CDH4: variants seen among roughly 807,000 people sequenced by gnomAD.
The protein encoded by CDH4 is cadherin 4, also known as cadherin-4.
Under a neutral mutation model 86.0 loss-of-function variants are expected in CDH4, and 33 were observed. The observed-to-expected ratio is 0.38, with a 90% confidence interval of 0.29 to 0.51. CDH4 has a LOEUF of 0.51. Among genes scored for constraint, CDH4 ranks in the 20% least tolerant of loss-of-function variants. CDH4 has a pLI of 0.86. For synonymous variants in CDH4, 555 were observed against 549.4 expected, an observed-to-expected ratio of 1.01 and a Z score of -0.14; for missense variants, 1,114 against 1,307.4, an observed-to-expected ratio of 0.85 and a Z score of 2.28.
chr20:61,793,299 C>A (rs1979312950), intron 4 of CDH4, among the ~76,000 whole-genome samples: 1 of 151,748 alleles, frequency 6.6e-6, no homozygotes, highest in Non-Finnish European at 1.5e-5. Context: ...CAATGTCACT[C>A]CCAAGCAGAG....
intron 4 of CDH4, among the ~76,000 whole-genome samples, chr20:61,812,064 C>T (rs1980466262): frequency 6.6e-6 from 1 of 152,130 alleles, no homozygotes; most frequent in South Asian, 2.1e-4. Context: ...TGTTTCTCCC[C>T]CGCTGCGGGG....
chr20:61,742,547 A>G (rs905693128), intron 2 of CDH4, among the ~76,000 whole-genome samples: 5 of 152,172 alleles, frequency 3.3e-5, no homozygotes, highest in African/African-American at 1.2e-4. Flanking sequence ...GTGACAGCAA[A>G]ATTGCTTGAA....
At chr20:61,255,266 G>C (rs2084092566) in intron 2 of CDH4, among the ~76,000 whole-genome samples, 1 of 152,222 alleles carries the variant, frequency 6.6e-6, no homozygotes, top group Non-Finnish European at 1.5e-5. Flanking sequence ...AATTATCCCT[G>C]CTTTGAAATG....
At chr20:61,815,911 G>A (rs981042293) in intron 4 of CDH4, among the ~76,000 whole-genome samples, 2 of 152,178 alleles carry the variant, frequency 1.3e-5, no homozygotes, top group African/African-American at 4.8e-5. Flanking sequence ...CGCAATGCCC[G>A]CGTTCATTTG....
At chr20:61,631,953 AGCCAC>A (rs2086892974) in intron 2 of CDH4, among the ~76,000 whole-genome samples, 1 of 152,200 alleles carries the variant, frequency 6.6e-6, no homozygotes, top group Non-Finnish European at 1.5e-5. Flanking sequence ...GTGTGGGTGG[AGCCAC>A]GCAGGTTATT....
chr20:61,406,717 ACCATCTG>A (rs1423520232), intron 2 of CDH4, among the ~76,000 whole-genome samples: 17 of 118,458 alleles, frequency 1.4e-4, no homozygotes, highest in Non-Finnish European at 1.9e-4. Flanking sequence ...TGCCTGGACC[ACCATCTG>A]CCATCTGCTC....
At chr20:61,293,418 C>A (rs2084334460) in intron 2 of CDH4, among the ~76,000 whole-genome samples, 1 of 152,096 alleles carries the variant, frequency 6.6e-6, no homozygotes, top group African/African-American at 2.4e-5. Flanking sequence ...AGCTCCGACC[C>A]CTGGCTGGAG....
intron 2 of CDH4, among the ~76,000 whole-genome samples, chr20:61,556,893 C>T (rs984940175): frequency 1.3e-5 from 2 of 152,140 alleles, no homozygotes; most frequent in African/African-American, 4.8e-5. Flanking sequence ...ACGTGAGGCG[C>T]CGCCATCCTC....
At chr20:61,919,933 C>T (rs1397807245) in intron 9 of CDH4, among the ~76,000 whole-genome samples, 13 of 126,228 alleles carry the variant, frequency 1.0e-4, no homozygotes, top group African/African-American at 3.8e-4. Context: ...CGTGGTGTCA[C>T]GGTGATTGCG....
intron 2 of CDH4, among the ~76,000 whole-genome samples, chr20:61,416,424 C>T (rs1429642615): frequency 6.6e-6 from 1 of 152,192 alleles, no homozygotes; most frequent in Non-Finnish European, 1.5e-5. Context: ...TTTACATTCC[C>T]ACAGCAGTTC....
intron 2 of CDH4, among the ~76,000 whole-genome samples, chr20:61,713,153 A>C (rs2087911173): frequency 6.6e-6 from 1 of 152,096 alleles, no homozygotes; most frequent in Non-Finnish European, 1.5e-5. Flanking sequence ...AATATGCAAA[A>C]ATAAGTAAAG....
At chr20:61,307,591 C>T (rs1321216717) in intron 2 of CDH4, among the ~76,000 whole-genome samples, 1 of 152,240 alleles carries the variant, frequency 6.6e-6, no homozygotes, top group East Asian at 1.9e-4. Flanking sequence ...CGAAGAAGTC[C>T]CTGCCCCATC....
intron 6 of CDH4, among the ~76,000 whole-genome samples, chr20:61,862,113 C>T (rs1396559469): frequency 6.6e-6 from 1 of 152,180 alleles, no homozygotes; most frequent in African/African-American, 2.4e-5. Context: ...TCCTGCAGCT[C>T]ACAGCCACTT....
At chr20:61,405,971 C>T (rs2085079656) in intron 2 of CDH4, among the ~76,000 whole-genome samples, 2 of 152,206 alleles carry the variant, frequency 1.3e-5, no homozygotes, top group South Asian at 2.1e-4. Context: ...TGAGCCACCG[C>T]GCCCGGCCTA....
intron 2 of CDH4, among the ~76,000 whole-genome samples, chr20:61,470,200 ATCTTT>A (rs2145567788): frequency 6.6e-6 from 1 of 152,188 alleles, no homozygotes; most frequent in South Asian, 2.1e-4. Flanking sequence ...GACATGGAAC[ATCTTT>A]TCTTTTTTGT....
At chr20:61,399,846 C>T (rs1246870776) in intron 2 of CDH4, among the ~76,000 whole-genome samples, 1 of 152,192 alleles carries the variant, frequency 6.6e-6, no homozygotes, top group Non-Finnish European at 1.5e-5. Flanking sequence ...ACAATGGTGC[C>T]TTCCCCGGCA....
intron 2 of CDH4, among the ~76,000 whole-genome samples, chr20:61,426,552 G>A (rs1600968627): frequency 6.6e-6 from 1 of 152,276 alleles, no homozygotes. Flanking sequence ...TCCCTTCCCC[G>A]TCACCTGCCT....
chr20:61,791,273 T>G (rs1979185539), intron 4 of CDH4, among the ~76,000 whole-genome samples: 1 of 152,234 alleles, frequency 6.6e-6, no homozygotes, highest in African/African-American at 2.4e-5. Context: ...CTACATAAAC[T>G]TTCTGACTTG....
At chr20:61,512,084 A>G (rs557717070) in intron 2 of CDH4, among the ~76,000 whole-genome samples, 17 of 152,224 alleles carry the variant, frequency 1.1e-4, no homozygotes, top group Admixed American at 5.2e-4. Context: ...CCGTGTGTTT[A>G]CTGGGATGTG....
Sources: gnomAD v4.1 joint callset for allele counts (sites outside exome capture counted in the v4.1 genomes callset) on GRCh38, gnomAD v4.1.1 for gene constraint, MANE v1.5 for transcripts, NCBI Gene and HGNC (gene_info 2026-07-23, HGNC 2026-07-21) for gene names.